IL5: variants seen among roughly 807,000 people sequenced by gnomAD.
IL5 encodes interleukin 5.
A neutral mutation model predicts 16.3 loss-of-function variants in IL5; 12 were observed. The observed-to-expected ratio is 0.74, with a 90% confidence interval of 0.47 to 1.20. The LOEUF (loss-of-function observed/expected upper bound fraction) is 1.20, where lower values mean the gene tolerates loss of function less well. Ranked by LOEUF, IL5 falls within the 50% of genes most tolerant of loss-of-function variation. The pLI is 0.00. For synonymous variants in IL5, 54 were observed against 56.6 expected, an observed-to-expected ratio of 0.95 and a Z score of 0.21; for missense variants, 159 against 153.9, an observed-to-expected ratio of 1.03 and a Z score of -0.17.
intron 2 of IL5, 135 bp from the exon 3 acceptor site, chr5:132,542,278 T>G (rs1044872486): frequency 4.6e-6 from 2 of 431,680 alleles, no homozygotes; most frequent in Non-Finnish European, 7.8e-6. Context: ...TTTTAATTCA[T>G]CAATTAAAAA....
At chr5:132,546,385 C>T (rs1193798124), upstream of IL5, among the ~76,000 whole-genome samples, 1 of 152,072 alleles carries the variant, frequency 6.6e-6, no homozygotes, top group Non-Finnish European at 1.5e-5. Context: ...ACTTTAGGTA[C>T]CTGATATACA....
chr5:132,550,325 C>CT (rs539567798), intron 1 of IL5, among the ~76,000 whole-genome samples: 7,266 of 138,142 alleles, frequency 0.053, 576 homozygotes, highest in African/African-American at 0.17. Context: ...AAAAAGAAAT[C>CT]TTTTTTTTTT....
chr5:132,550,454 G>C (rs1472201202), intron 1 of IL5, among the ~76,000 whole-genome samples: 1 of 151,710 alleles, frequency 6.6e-6, no homozygotes, highest in Non-Finnish European at 1.5e-5. Context: ...CTCCAGAGAA[G>C]CTGGGACTAA....
In IL5 at chr5:132,542,096, C is replaced by G; in HGVS notation, c.225G>C (p.Glu75Asp). 6.2e-7 allele frequency: 1 copy of G among 1,613,174 alleles called. No individual in the cohort carries two copies. The highest frequency in any genetic ancestry group is 8.5e-7 in the Non-Finnish European group (1 of 1,179,218). ...EEIFQGIGTL[E>D]SQTVQGGTVE... ...CAGTACCCCCTTGCACAGTTTGACTCTCCAGTGTGCCTATTCCCTGAAAGA... is the reference window on the plus strand; with the variant it reads ...CAGTACCCCCTTGCACAGTTTGACTGTCCAGTGTGCCTATTCCCTGAAAGA... Residue 75 changes from glutamate to aspartate, a missense_variant, in exon 3 of 4, where the codon GAG (glutamate) becomes GAC (aspartate). Glu to Asp is a conservative substitution (Grantham distance 45). Transcript: ENST00000231454.
upstream of IL5, among the ~76,000 whole-genome samples, chr5:132,546,778 C>A (rs1237432717): frequency 6.6e-6 from 1 of 152,148 alleles, no homozygotes; most frequent in Non-Finnish European, 1.5e-5. Flanking sequence ...GTAATCTCAG[C>A]ACTTTGGGAG....
upstream of IL5, among the ~76,000 whole-genome samples, chr5:132,545,949 CACA>C (rs140055064): frequency 2.8e-4 from 43 of 151,556 alleles, no homozygotes; most frequent in East Asian, 3.9e-4. Context: ...AAACAAAAAG[CACA>C]ACAACAACAA....
chr5:132,554,998 C>G (rs1368220012), intron 1 of IL5, among the ~76,000 whole-genome samples: 1 of 152,192 alleles, frequency 6.6e-6, no homozygotes, highest in East Asian at 1.9e-4. Context: ...CTCACATCAT[C>G]AGGCATTAGA....
intron 2 of IL5, 128 bp downstream of exon 2, chr5:132,542,966 C>T: frequency 2.9e-6 from 2 of 689,664 alleles, no homozygotes; most frequent in Middle Eastern, 3.7e-4. Flanking sequence ...TACAGACATT[C>T]ACAGCCACCC....
Position 132,541,518 on chromosome 5 carries a change from C to A in IL5, c.*293G>T. On this transcript the variant is annotated 3_prime_UTR_variant, in exon 4 of 4. Coordinates refer to ENST00000231454, the MANE Select transcript of IL5 (RefSeq NM_000879.3). Reference sequence around the variant, plus strand: ...AATACTAATTTACCAAATTCTTAACCATTTCATAAATACTATTAAGTTAAC... The same window carrying A: ...AATACTAATTTACCAAATTCTTAACAATTTCATAAATACTATTAAGTTAAC... 7.0e-6 allele frequency: 2 copies of A among 285,910 alleles called. No individual in the cohort carries two copies. Among genetic ancestry groups the A allele is most frequent in the South Asian group, 6.1e-5 (1 of 16,294 alleles). 17.7% of individuals were successfully genotyped at this position (285,910 alleles called of 1,614,324 possible).
At chr5:132,546,228 A>T (rs1348353878), upstream of IL5, among the ~76,000 whole-genome samples, 1 of 152,176 alleles carries the variant, frequency 6.6e-6, no homozygotes, top group African/African-American at 2.4e-5. Flanking sequence ...AAGTACATTC[A>T]TAATGTTGTG....
intron 1 of IL5, among the ~76,000 whole-genome samples, chr5:132,555,207 A>AT (rs2149828475): frequency 6.6e-6 from 1 of 152,312 alleles, no homozygotes; most frequent in Non-Finnish European, 1.5e-5. Context: ...CCAGGTATGC[A>AT]TACTGGTCAG....
intron 2 of IL5, among the ~76,000 whole-genome samples, chr5:132,542,685 A>T (rs538036786): frequency 6.6e-6 from 1 of 152,208 alleles, no homozygotes; most frequent in Non-Finnish European, 1.5e-5. Flanking sequence ...AATTATTAAT[A>T]TAGGGCATTT....
Position 132,541,881 on chromosome 5 carries a change from A to G in IL5, c.335T>C (p.Val112Ala). The G allele has an allele frequency of 6.2e-7, 1 of 1,613,944 alleles. No homozygotes were observed. Among genetic ancestry groups the G allele is most frequent in the Non-Finnish European group, 8.5e-7 (1 of 1,179,848 alleles). Reference protein sequence around the residue: ...KKKCGEERRRVNQFLDYLQEF... With the variant: ...KKKCGEERRRANQFLDYLQEF... ...TTGCAGGTAGTCTAGGAATTGGTTT[A>G]CTCTCCGTCTTTCTTCTCCACACTT... Residue 112 changes from valine (V) to alanine (A), a missense_variant, in exon 4 of 4, where the codon GTA becomes GCA. Transcript: ENST00000231454.
rs1045220824 is a variant in IL5, at chr5:132,541,457, T to C, written c.*354A>G. 1 of 203,838 alleles carries C rather than the reference T, an allele frequency of 4.9e-6. No homozygotes were observed. Among genetic ancestry groups the C allele is most frequent in the African/African-American group, 2.4e-5 (1 of 41,990 alleles). 12.6% of individuals were successfully genotyped at this position (203,838 alleles called of 1,614,324 possible). ...CAGCAGCAAATTGAACAGTTGTCTA[T>C]TTTTGTTTTATTAGAACACAACATA... On this transcript the variant is annotated 3_prime_UTR_variant, in exon 4 of 4. Transcript: ENST00000231454.
intron 1 of IL5, among the ~76,000 whole-genome samples, chr5:132,555,770 C>T (rs991900553): frequency 1.3e-5 from 2 of 152,222 alleles, no homozygotes; most frequent in Admixed American, 6.5e-5. Flanking sequence ...CCGTCTCGGC[C>T]TCCCAAAGTG....
rs141306752 is a variant in IL5, at chr5:132,542,028, A to G, written c.293T>C (p.Ile98Thr). 1 of 1,613,810 alleles carries G rather than the reference A, an allele frequency of 6.2e-7. No homozygotes were observed. Among genetic ancestry groups the G allele is most frequent in the East Asian group, 2.2e-5 (1 of 44,856 alleles). The change falls in exon 3 of 4, where the codon ATT becomes ACT. Residue 98 changes from isoleucine (I) to threonine (T), a missense_variant. Physicochemically the swap from Ile to Thr is moderately conservative, Grantham distance 89. Coordinates refer to ENST00000231454, the MANE Select transcript of IL5 (RefSeq NM_000879.3). ...FKNLSLIKKYIDGQKKKCGEE... is the reference protein window; with the variant it reads ...FKNLSLIKKYTDGQKKKCGEE... ...TGTGTAACTTACTTTTTGGCCGTCA[A>G]TGTATTTCTTTATTAAGGACAAGTT...
chr5:132,546,084 C>A (rs1416140249), upstream of IL5, among the ~76,000 whole-genome samples: 1 of 152,068 alleles, frequency 6.6e-6, no homozygotes, highest in East Asian at 1.9e-4. Context: ...ACTGTGGGTT[C>A]TTATTGGAAG....
At chr5:132,544,469 A>G (rs937495412), upstream of IL5, among the ~76,000 whole-genome samples, 7 of 152,230 alleles carry the variant, frequency 4.6e-5, no homozygotes, top group African/African-American at 1.7e-4. Context: ...TAGGAAGGCA[A>G]CCAATAAATA....
At chr5:132,552,229 A>G (rs1474187652) in intron 1 of IL5, among the ~76,000 whole-genome samples, 1 of 152,204 alleles carries the variant, frequency 6.6e-6, no homozygotes, top group African/African-American at 2.4e-5. Context: ...AGATTGCGCC[A>G]CTGCACTCCA....
Sources: gnomAD v4.1 joint callset for allele counts (sites outside exome capture counted in the v4.1 genomes callset) on GRCh38, gnomAD v4.1.1 for gene constraint, MANE v1.5 for transcripts, NCBI Gene and HGNC (gene_info 2026-07-23, HGNC 2026-07-21) for gene names.